The following NAV3 variants were observed in gnomAD, a reference collection of about 807,000 sequenced individuals.
The protein encoded by NAV3 is neuron navigator 3, also known as pore membrane and/or filament interacting like protein 1.
A neutral mutation model predicts 244.7 loss-of-function variants in NAV3; 87 were observed. That is an observed-to-expected ratio of 0.36 (90% CI 0.30 to 0.42). The LOEUF is 0.42. Among genes scored for constraint, NAV3 ranks in the 20% least tolerant of loss-of-function variants. NAV3 has a pLI of 1.00. For missense variants in NAV3, 2,663 were observed against 2,893.3 expected, an observed-to-expected ratio of 0.92 and a Z score of 1.83; for synonymous variants, 1,126 against 1,042.2, an observed-to-expected ratio of 1.08 and a Z score of -1.55.
intron 2 of NAV3, among the ~76,000 whole-genome samples, chr12:77,606,767 C>T (rs1565734354): frequency 6.6e-6 from 1 of 152,090 alleles, no homozygotes; most frequent in Non-Finnish European, 1.5e-5. Flanking sequence ...GTCAAAACTT[C>T]AACCTTATGC....
chr12:78,040,340 C>G (rs997633488), intron 9 of NAV3, among the ~76,000 whole-genome samples: 4 of 151,872 alleles, frequency 2.6e-5, no homozygotes, highest in African/African-American at 9.7e-5. Context: ...AAGTGAATGT[C>G]ATGATGAAAA....
intron 2 of NAV3, among the ~76,000 whole-genome samples, chr12:77,810,320 C>T (rs561351655): frequency 3.3e-5 from 5 of 152,134 alleles, no homozygotes; most frequent in Admixed American, 1.3e-4. Flanking sequence ...TACAGGCGCC[C>T]GCCACCACGC....
At chr12:78,189,208 T>G (rs1248526756) in intron 33 of NAV3, among the ~76,000 whole-genome samples, 1 of 151,914 alleles carries the variant, frequency 6.6e-6, no homozygotes, top group Admixed American at 6.6e-5. Context: ...GAATCAAGGA[T>G]GGAAAGTTCT....
chr12:77,845,976 T>G (rs1482623722), intron 1 of NAV3, among the ~76,000 whole-genome samples: 1 of 152,136 alleles, frequency 6.6e-6, no homozygotes, highest in Non-Finnish European at 1.5e-5. Flanking sequence ...CTTTAAACAT[T>G]AAGTGTACCA....
At chr12:78,168,152 A>G (rs1422242554) in intron 23 of NAV3, among the ~76,000 whole-genome samples, 2 of 151,722 alleles carry the variant, frequency 1.3e-5, no homozygotes, top group Non-Finnish European at 2.9e-5. Flanking sequence ...TCTCCACATT[A>G]GGAGTTTTAC....
chr12:77,787,104 C>T (rs1870939570), intron 2 of NAV3, among the ~76,000 whole-genome samples: 1 of 152,036 alleles, frequency 6.6e-6, no homozygotes, highest in African/African-American at 2.4e-5. Context: ...CAGAGAAGTT[C>T]TTATGTGGCT....
At chr12:77,774,627 C>G (rs1870257733) in intron 2 of NAV3, among the ~76,000 whole-genome samples, 3 of 152,098 alleles carry the variant, frequency 2.0e-5, no homozygotes, top group Admixed American at 1.3e-4. Flanking sequence ...CTGTGGCATA[C>G]TGGAGAGCAA....
intron 1 of NAV3, among the ~76,000 whole-genome samples, chr12:77,846,037 T>C (rs1431854304): frequency 1.3e-5 from 2 of 152,194 alleles, no homozygotes; most frequent in Non-Finnish European, 2.9e-5. Context: ...TAAAGATTAC[T>C]GATCTCTGAG....
At chr12:78,137,074 C>A in intron 18 of NAV3, 103 bp from the exon 19 acceptor site, 1 of 1,071,176 alleles carries the variant, frequency 9.3e-7, no homozygotes, top group Admixed American at 2.9e-5. Context: ...ACTATACATT[C>A]ATGTTTTCAT....
rs141943723 is a variant in NAV3, at chr12:77,661,388, A to G, written c.72+89122A>G. On this transcript the variant is annotated intron_variant, in intron 2 of 8. Coordinates refer to the NAV3 transcript ENST00000550042. ...TTATATACTGTCTTCAATAAGATAT[A>G]TGCTCAGATATTTTGCCATTTTGAA... Among the ~76,000 whole-genome samples the G allele has an allele frequency of 2.7e-3, 414 of 152,236 alleles. 2 individuals are homozygous for G. The highest frequency in any genetic ancestry group is 9.4e-3 in the African/African-American group (391 of 41,564).
chr12:77,985,815 T>C (rs773302558), intron 5 of NAV3, among the ~76,000 whole-genome samples: 2 of 152,196 alleles, frequency 1.3e-5, no homozygotes, highest in Non-Finnish European at 2.9e-5. Flanking sequence ...TTCAGGCCTA[T>C]ATAAAATCCT....
intron 1 of NAV3, among the ~76,000 whole-genome samples, chr12:77,832,781 C>T (rs953322323): frequency 6.6e-6 from 1 of 152,104 alleles, no homozygotes; most frequent in Non-Finnish European, 1.5e-5. Flanking sequence ...CCCTACCCCT[C>T]GCCACTACCC....
intron 8 of NAV3, among the ~76,000 whole-genome samples, chr12:78,020,228 A>G (rs1039206595): frequency 3.3e-5 from 5 of 152,300 alleles, no homozygotes; most frequent in Admixed American, 2.6e-4. Flanking sequence ...AACACACTGG[A>G]GAATTTTTGC....
At chr12:78,071,568 A>G (rs1472337625) in intron 12 of NAV3, among the ~76,000 whole-genome samples, 2 of 152,004 alleles carry the variant, frequency 1.3e-5, no homozygotes, top group Non-Finnish European at 2.9e-5. Context: ...ATTAGATCCC[A>G]TTTGTCAATC....
intron 2 of NAV3, among the ~76,000 whole-genome samples, chr12:77,778,700 G>T (rs1351914038): frequency 6.6e-6 from 1 of 151,674 alleles, no homozygotes; most frequent in Non-Finnish European, 1.5e-5. Flanking sequence ...CTTTGCTGGA[G>T]AACAAATTTT....
chr12:77,895,338 T>TGTGTGTG (rs528403882), intron 1 of NAV3, among the ~76,000 whole-genome samples: 1 of 150,852 alleles, frequency 6.6e-6, no homozygotes, highest in Non-Finnish European at 1.5e-5. Flanking sequence ...TGTGTGTGTG[T>TGTGTGTG]TTATTTTGTG....
chr12:77,724,845 T>C (rs1527791), intron 2 of NAV3, among the ~76,000 whole-genome samples: 103,823 of 151,832 alleles, frequency 0.68, 37,534 homozygotes, highest in East Asian at 0.89. Context: ...TCTGTTAAAG[T>C]CAACTTCATA....
intron 2 of NAV3, among the ~76,000 whole-genome samples, chr12:77,767,899 AT>A (rs1268655560): frequency 6.6e-6 from 1 of 152,190 alleles, no homozygotes; most frequent in Non-Finnish European, 1.5e-5. Context: ...CAGTTCCACC[AT>A]TTGGCAGGTC....
chr12:77,949,075 T>C (rs1390796219), intron 3 of NAV3, among the ~76,000 whole-genome samples: 1 of 151,968 alleles, frequency 6.6e-6, no homozygotes. Context: ...ACACAGAAAA[T>C]ATATTGACAT....
Sources: allele counts gnomAD v4.1 joint callset (sites outside exome capture counted in the v4.1 genomes callset), GRCh38; gene constraint gnomAD v4.1.1; transcripts MANE v1.5; gene names NCBI Gene and HGNC (gene_info 2026-07-23, HGNC 2026-07-21).